The following USP37 variants were observed in gnomAD, a reference collection of about 807,000 sequenced individuals.
USP37 encodes ubiquitin carboxyl-terminal hydrolase 37.
A neutral mutation model predicts 124.0 loss-of-function variants in USP37; 27 were observed. The observed-to-expected ratio is 0.22, with a 90% CI of 0.16 to 0.30. The LOEUF (loss-of-function observed/expected upper bound fraction) is 0.30, where lower values mean the gene tolerates loss of function less well. Ranked by LOEUF, USP37 falls within the 10% of genes least tolerant of loss-of-function variation. The pLI is 1.00. For synonymous variants in USP37, 365 were observed against 388.0 expected, an observed-to-expected ratio of 0.94 and a Z score of 0.70; for missense variants, 889 against 1,140.4, an observed-to-expected ratio of 0.78 and a Z score of 3.17.
At chr2:218,543,746 C>T (rs1458411342) in intron 8 of USP37, among the ~76,000 whole-genome samples, 1 of 151,954 alleles carries the variant, frequency 6.6e-6, no homozygotes, top group African/African-American at 2.4e-5. Context: ...GCAGAGCTTG[C>T]AGTGAGCTGA....
chr2:218,565,756 T>C (rs1693563581), intron 1 of USP37, among the ~76,000 whole-genome samples: 3 of 152,168 alleles, frequency 2.0e-5, no homozygotes, highest in Admixed American at 2.0e-4. Flanking sequence ...AATATATAAT[T>C]ACAAGTTCTG....
At chr2:218,468,526 G>A (rs909221197) in intron 20 of USP37, among the ~76,000 whole-genome samples, 8 of 151,774 alleles carry the variant, frequency 5.3e-5, no homozygotes, top group Non-Finnish European at 8.8e-5. Flanking sequence ...CCCGGCCCAC[G>A]ATAATTTTCA....
chr2:218,455,481 C>G, intron 25 of USP37, 99 bp downstream of exon 25: 1 of 1,472,914 alleles, frequency 6.8e-7, no homozygotes, highest in Non-Finnish European at 9.0e-7. Context: ...TTCAACCAAT[C>G]AACTGATGGA....
At chr2:218,512,338 C>A (rs532175169) in intron 10 of USP37, among the ~76,000 whole-genome samples, 2 of 152,092 alleles carry the variant, frequency 1.3e-5, no homozygotes, top group East Asian at 1.9e-4. Context: ...GAAACCCTGT[C>A]TCTACTAAAA....
intron 6 of USP37, among the ~76,000 whole-genome samples, chr2:218,548,411 G>A (rs945960917): frequency 7.3e-5 from 11 of 150,708 alleles, no homozygotes; most frequent in African/African-American, 2.5e-4. Flanking sequence ...CACAATCACT[G>A]CTTCCTGCAG....
At chr2:218,541,015 A>C (rs1288237018) in intron 8 of USP37, among the ~76,000 whole-genome samples, 1 of 152,220 alleles carries the variant, frequency 6.6e-6, no homozygotes, top group Non-Finnish European at 1.5e-5. Flanking sequence ...AATGAAGAGG[A>C]TCTCATTAAG....
intron 4 of USP37, 37 bp downstream of exon 4, chr2:218,558,461 G>T: frequency 6.3e-7 from 1 of 1,586,056 alleles, no homozygotes; most frequent in Non-Finnish European, 8.6e-7. Flanking sequence ...TAAATGATCT[G>T]CTTCAAGAGC....
chr2:218,471,649 A>C (rs1337884191), intron 20 of USP37, among the ~76,000 whole-genome samples: 3 of 151,944 alleles, frequency 2.0e-5, no homozygotes, highest in African/African-American at 7.3e-5. Flanking sequence ...AAATGGTACC[A>C]TTATCTATCC....
chr2:218,543,834 A>C (rs528187751), intron 8 of USP37, among the ~76,000 whole-genome samples: 83 of 144,968 alleles, frequency 5.7e-4, no homozygotes, highest in Non-Finnish European at 1.1e-3. Flanking sequence ...AAACAAACAA[A>C]AAAAAAAACA....
intron 11 of USP37, among the ~76,000 whole-genome samples, chr2:218,503,398 G>A (rs933267538): frequency 6.6e-6 from 1 of 152,218 alleles, no homozygotes; most frequent in Non-Finnish European, 1.5e-5. Context: ...TCCTAACTAC[G>A]TATTGTGGGA....
At chr2:218,471,533 CCT>C (rs1049828199) in intron 20 of USP37, among the ~76,000 whole-genome samples, 9 of 152,146 alleles carry the variant, frequency 5.9e-5, no homozygotes, top group Admixed American at 2.0e-4. Context: ...GAATTTCTCC[CCT>C]GAGCTTTAAA....
intron 16 of USP37, among the ~76,000 whole-genome samples, chr2:218,484,775 AAAAGAAAGT>A (rs1450118968): frequency 6.6e-6 from 1 of 152,220 alleles, no homozygotes; most frequent in Non-Finnish European, 1.5e-5. Context: ...TGAAGCTAAT[AAAAGAAAGT>A]AAAGCACTCT....
At position 218,539,379 on chromosome 2, in the gene USP37, A is replaced by C. The variant is rs200513695; in HGVS notation, c.681-4673T>G. 2.0e-5 allele frequency among the ~76,000 whole-genome samples: 3 copies of C among 152,258 alleles called. No individual in the cohort carries two copies. In the South Asian group the frequency reaches 6.2e-4, roughly 32 times the overall value. On this transcript the variant is annotated intron_variant, in intron 8 of 25. Transcript: ENST00000258399. ...TCCTTCTTCACAATTTCATGGATGG[A>C]AGATTCATTCTTACCATAGATCTTC...
At chr2:218,500,394 G>A (rs1689314274) in intron 11 of USP37, among the ~76,000 whole-genome samples, 1 of 152,092 alleles carries the variant, frequency 6.6e-6, no homozygotes. Context: ...TGAGTAGCTG[G>A]GATTACAGGT....
intron 9 of USP37, among the ~76,000 whole-genome samples, chr2:218,530,846 C>A (rs1299550448): frequency 6.6e-6 from 1 of 152,148 alleles, no homozygotes; most frequent in Admixed American, 6.5e-5. Flanking sequence ...GAAGATCAAA[C>A]CAGCCACAAT....
chr2:218,553,492 G>A, intron 5 of USP37, 61 bp downstream of exon 5: 1 of 1,455,726 alleles, frequency 6.9e-7, no homozygotes, highest in Non-Finnish European at 9.2e-7. Flanking sequence ...ATATTGGTCT[G>A]TAGTCTAGTC....
chr2:218,510,970 G>A (rs931039261), intron 10 of USP37, among the ~76,000 whole-genome samples: 1 of 151,850 alleles, frequency 6.6e-6, no homozygotes, highest in African/African-American at 2.4e-5. Context: ...ACTCCAACCT[G>A]GGTGACAAAG....
intron 15 of USP37, 116 bp downstream of exon 15, chr2:218,488,175 CAAAAAAAAAAAAA>C (rs66581703): frequency 1.1e-5 from 4 of 349,910 alleles, no homozygotes; most frequent in African/African-American, 3.7e-5. Flanking sequence ...GACCCTGTCT[CAAAAAAAAAAAAA>C]AAAAAAAAAG....
At chr2:218,500,963 G>C (rs1366588753) in intron 11 of USP37, 2 of 165,864 alleles carry the variant, frequency 1.2e-5, no homozygotes, top group African/African-American at 2.4e-5. Flanking sequence ...TACCCGCCTA[G>C]CCAGTCAGAT....
Sources: allele counts gnomAD v4.1 joint callset (sites outside exome capture counted in the v4.1 genomes callset), GRCh38; gene constraint gnomAD v4.1.1; transcripts MANE v1.5; gene names NCBI Gene and HGNC (gene_info 2026-07-23, HGNC 2026-07-21).